PPARA: variants seen among roughly 807,000 people sequenced by gnomAD.
The protein encoded by PPARA is peroxisome proliferator activated receptor alpha, also known as peroxisome proliferator-activated receptor alpha.
In PPARA, 22 loss-of-function variants were observed where a neutral mutation model predicts 42.2. The ratio of observed to expected loss-of-function variants is 0.52; its 90% CI spans 0.37 to 0.74. PPARA has a LOEUF of 0.74. PPARA is among the 30% of genes least tolerant of loss of function. The pLI, the probability that PPARA is intolerant of heterozygous loss-of-function variation, is 0.00. For missense variants in PPARA, 465 were observed against 608.2 expected (o/e 0.76, Z 2.48); for synonymous variants, 242 against 239.3 (o/e 1.01, Z -0.10).
rs4253703 is a variant in PPARA, at chr22:46,190,523, C to T, written c.-42-7819C>T. Among the ~76,000 whole-genome samples, 267 of 152,222 alleles carry T rather than the reference C, an allele frequency of 1.8e-3. 1 individual carries two copies. The highest frequency in any genetic ancestry group is 6.1e-3 in the African/African-American group (255 of 41,532). ...TAATCCCAACACTTAGAGGCCAAGC[C>T]GCGTGGATCGCTTGAGCCCAGGAGT... On this transcript the variant is annotated intron_variant, in intron 3 of 8. Transcript: ENST00000407236. The surrounding 1 kb of genome is among the most constrained non-coding windows in gnomAD (Gnocchi z 5.6).
rs1246634807 is a variant in PPARA at position 46,238,292 on chromosome 22, G to A, written c.*2912G>A. ...TGCCACTCAATGCTGGAATATTTTGGGTCACCTAATCATAGATTTCTCAGG... is the reference window on the plus strand; with the variant it reads ...TGCCACTCAATGCTGGAATATTTTGAGTCACCTAATCATAGATTTCTCAGG... On this transcript the variant is annotated 3_prime_UTR_variant, in exon 9 of 9. Transcript: ENST00000407236. The surrounding 1 kb of genome is among the most constrained non-coding windows in gnomAD (Gnocchi z 8.3). 2 of 152,086 alleles carry A rather than the reference G, an allele frequency of 1.3e-5. No individual in the cohort carries two copies. The highest frequency in any genetic ancestry group is 4.8e-5 in the African/African-American group (2 of 41,404). The allele number at this position is 152,086 out of a possible 1,614,324, so 9.4% of individuals were successfully genotyped here.
rs1927330523 is a variant in PPARA at position 46,167,970 on chromosome 22, G to C, written c.-126-8783G>C. 6.6e-6 allele frequency among the ~76,000 whole-genome samples: 1 copy of C among 151,926 alleles called. No homozygotes were observed. Among genetic ancestry groups the C allele is most frequent in the Admixed American group, 6.6e-5 (1 of 15,252 alleles). ...CGAAGCTGAGGCAGGAGGATCACTT[G>C]AGCCCAGGAGTTGAAGCTTGCAGTG... On this transcript the variant is annotated intron_variant, in intron 2 of 8. Coordinates refer to ENST00000407236, the MANE Select transcript of PPARA (RefSeq NM_005036.6). This position sits in a 1 kb window ranked among gnomAD's most constrained non-coding sequence, Gnocchi z 4.1.
At position 46,243,161 on chromosome 22, in the gene PPARA, C is replaced by T. The variant is rs963996988; in HGVS notation, c.*7781C>T. The T allele has an allele frequency of 6.6e-6, 1 of 152,330 alleles. No homozygotes were observed. Among genetic ancestry groups the T allele is most frequent in the African/African-American group, 2.4e-5 (1 of 41,436 alleles). 9.4% of individuals were successfully genotyped at this position (152,330 alleles called of 1,614,324 possible). ...TGTTTCCAATAACTTGGCAAAACTTCTTGGTGCATATTGGTTACACCCTCT... is the reference window on the plus strand; with the variant it reads ...TGTTTCCAATAACTTGGCAAAACTTTTTGGTGCATATTGGTTACACCCTCT... On this transcript the variant is annotated 3_prime_UTR_variant, in exon 9 of 9. Transcript: ENST00000407236. The surrounding 1 kb of genome is among the most constrained non-coding windows in gnomAD (Gnocchi z 5.0).
chr22:46,217,485 A>C (rs1340011773), intron 5 of PPARA, among the ~76,000 whole-genome samples: 2 of 152,200 alleles, frequency 1.3e-5, no homozygotes, highest in African/African-American at 4.8e-5. Flanking sequence ...ATGCTTTTAC[A>C]AAGCAAGAAA....
At chr22:46,213,824 C>T (rs1422015131) in intron 4 of PPARA, among the ~76,000 whole-genome samples, 2 of 152,154 alleles carry the variant, frequency 1.3e-5, no homozygotes, top group African/African-American at 4.8e-5. Context: ...GTCCTGACCT[C>T]GTGATCCGCT....
Position 46,190,630 on chromosome 22 carries a change from G to T in PPARA, c.-42-7712G>T, listed in dbSNP as rs948271248. Reference sequence around the variant, plus strand: ...GCTGGGGGTGGTGGCAGCGCCTGTAGTCCAAACCACTTGGGAGCCTGAGGT... The same window carrying T: ...GCTGGGGGTGGTGGCAGCGCCTGTATTCCAAACCACTTGGGAGCCTGAGGT... On this transcript the variant is annotated intron_variant, in intron 3 of 8. Transcript: ENST00000407236. The surrounding 1 kb of genome is among the most constrained non-coding windows in gnomAD (Gnocchi z 5.6). Among the ~76,000 whole-genome samples the T allele has an allele frequency of 3.9e-5, 6 of 152,114 alleles. No homozygotes were observed. The highest frequency in any genetic ancestry group is 1.4e-4 in the African/African-American group (6 of 41,436).
chr22:46,214,620 A>C lies in PPARA; in HGVS notation c.209-553A>C, dbSNP rs1193844904. Among the ~76,000 whole-genome samples the C allele has an allele frequency of 2.1e-5, 3 of 143,234 alleles. No individual in the cohort carries two copies. In the East Asian group the frequency reaches 6.5e-4, roughly 31 times the overall value. The allele number at this position is 143,234 out of a possible 152,430, so 94.0% of individuals were successfully genotyped here. A position where few individuals can be genotyped will look rare whatever the true frequency, so the allele number is the denominator to read the frequency against. ...GTCTGGAGATGTGCAGAGCAGAGCAAAGATGAGCTGATCGGAGATGCCCAG... is the reference window on the plus strand; with the variant it reads ...GTCTGGAGATGTGCAGAGCAGAGCACAGATGAGCTGATCGGAGATGCCCAG... On this transcript the variant is annotated intron_variant, in intron 4 of 8. Coordinates refer to ENST00000407236, the MANE Select transcript of PPARA (RefSeq NM_005036.6).
chr22:46,168,269 G>A (rs1306822055), intron 2 of PPARA, among the ~76,000 whole-genome samples: 4 of 141,734 alleles, frequency 2.8e-5, no homozygotes, highest in Non-Finnish European at 4.5e-5. Flanking sequence ...GGAGAATGGC[G>A]TGAACCTGGG....
rs538439756 is a variant in PPARA at position 46,211,182 on chromosome 22, G to A, written c.209-3991G>A. ...GGAATCTATCGGTATTTCTGTCTGTGGCCATCTGTAGCTGTATGAAGCCAA... is the reference window on the plus strand; with the variant it reads ...GGAATCTATCGGTATTTCTGTCTGTAGCCATCTGTAGCTGTATGAAGCCAA... On this transcript the variant is annotated intron_variant, in intron 4 of 8. Transcript: ENST00000407236. This position sits in a 1 kb window ranked among gnomAD's most constrained non-coding sequence, Gnocchi z 4.1. 2.6e-5 allele frequency among the ~76,000 whole-genome samples: 4 copies of A among 152,232 alleles called. No individual in the cohort carries two copies. The highest frequency in any genetic ancestry group is 9.6e-5 in the African/African-American group (4 of 41,532).
intron 3 of PPARA, among the ~76,000 whole-genome samples, chr22:46,179,775 C>A (rs1481525233): frequency 6.6e-6 from 1 of 151,920 alleles, no homozygotes; most frequent in Non-Finnish European, 1.5e-5. Flanking sequence ...AATGAAAACA[C>A]AAGTTACACA....
chr22:46,168,209 G>C (rs1406178287), intron 2 of PPARA, among the ~76,000 whole-genome samples: 1 of 150,320 alleles, frequency 6.7e-6, no homozygotes, highest in African/African-American at 2.4e-5. Context: ...AAAATTAGCC[G>C]GACGTGGTGG....
In PPARA at chr22:46,192,633, T is replaced by A. The variant is rs774571344; in HGVS notation, c.-42-5709T>A. On this transcript the variant is annotated intron_variant, in intron 3 of 8. Transcript: ENST00000407236. The surrounding 1 kb of genome is among the most constrained non-coding windows in gnomAD (Gnocchi z 4.3). ...GCTTATGATATACAAGATGCAGCTC[T>A]AACATTTAAATTGGAAGGGAAATGT... Among the ~76,000 whole-genome samples, 3 of 152,236 alleles carry A rather than the reference T, an allele frequency of 2.0e-5. No homozygotes were observed. Among genetic ancestry groups the A allele is most frequent in the Non-Finnish European group, 4.4e-5 (3 of 68,040 alleles).
At chr22:46,153,163 C>CTTTTTTTTTTTTTTTTTT (rs996863467) in intron 2 of PPARA, among the ~76,000 whole-genome samples, 2 of 109,220 alleles carry the variant, frequency 1.8e-5, no homozygotes, top group African/African-American at 3.7e-5. Flanking sequence ...TTCCCACATC[C>CTTTTTTTTTTTTTTTTTT]TTTTTTTTTT....
At position 46,231,687 on chromosome 22, in the gene PPARA, C is replaced by T; in HGVS notation, c.712-105C>T. 3 of 1,217,944 alleles carry T rather than the reference C, an allele frequency of 2.5e-6. No homozygotes were observed. In the Admixed American group the frequency reaches 5.9e-5, roughly 24 times the overall value. The allele number at this position is 1,217,944 out of a possible 1,614,324, so 75.4% of individuals were successfully genotyped here. A position where few individuals can be genotyped will look rare whatever the true frequency, so the allele number is the denominator to read the frequency against. On this transcript the variant is annotated intron_variant, in intron 7 of 8. Coordinates refer to ENST00000407236, the MANE Select transcript of PPARA (RefSeq NM_005036.6). This position sits in a 1 kb window ranked among gnomAD's most constrained non-coding sequence, Gnocchi z 7.7. ...CGGGTATCTTGAGTCCTCTGAGGCA[C>T]TGAGCTTGGTGATTTGGACGCAGGA...
Position 46,190,178 on chromosome 22 carries a change from G to C in PPARA, c.-42-8164G>C, listed in dbSNP as rs1041600105. On this transcript the variant is annotated intron_variant, in intron 3 of 8. Coordinates refer to ENST00000407236, the MANE Select transcript of PPARA (RefSeq NM_005036.6). This position sits in a 1 kb window ranked among gnomAD's most constrained non-coding sequence, Gnocchi z 5.6. ...AATATAAAGACAAGGTGATAAATTA[G>C]AATTGGTGGGAAAGAGAAAAATCTG... Among the ~76,000 whole-genome samples, 7 of 152,206 alleles carry C rather than the reference G, an allele frequency of 4.6e-5. No homozygotes were observed. The highest frequency in any genetic ancestry group is 2.1e-4 in the South Asian group (1 of 4,834).
At chr22:46,170,514 G>A (rs1436418551) in intron 2 of PPARA, among the ~76,000 whole-genome samples, 1 of 148,386 alleles carries the variant, frequency 6.7e-6, no homozygotes, top group African/African-American at 2.5e-5. Context: ...CTCCCAAAGT[G>A]CTGGGATTAC....
intron 1 of PPARA, chr22:46,151,161 G>A (rs950257153): frequency 1.3e-5 from 2 of 152,266 alleles, no homozygotes; most frequent in African/African-American, 4.8e-5. Flanking sequence ...CCCGGGCCCC[G>A]GACAGACCGA....
rs1932937725 is a variant in PPARA at position 46,203,254 on chromosome 22, C to T, written c.208+4663C>T. Among the ~76,000 whole-genome samples the T allele has an allele frequency of 6.6e-6, 1 of 152,138 alleles. No individual in the cohort carries two copies. The highest frequency in any genetic ancestry group is 2.4e-5 in the African/African-American group (1 of 41,432). ...TAGATCGTTCATATTTGTACCTAAT[C>T]TGATCTTTTGGGTAATATTCCTAGT... On this transcript the variant is annotated intron_variant, in intron 4 of 8. Transcript: ENST00000407236. The surrounding 1 kb of genome is among the most constrained non-coding windows in gnomAD (Gnocchi z 5.8).
In PPARA at chr22:46,233,173, G is replaced by A. The variant is rs1936001249; in HGVS notation, c.1159+934G>A. 6.6e-6 allele frequency among the ~76,000 whole-genome samples: 1 copy of A among 152,004 alleles called. No individual in the cohort carries two copies. The highest frequency in any genetic ancestry group is 1.5e-5 in the Non-Finnish European group (1 of 68,024). On this transcript the variant is annotated intron_variant, in intron 8 of 8. Coordinates refer to ENST00000407236, the MANE Select transcript of PPARA (RefSeq NM_005036.6). The surrounding 1 kb of genome is among the most constrained non-coding windows in gnomAD (Gnocchi z 7.3). Reference sequence around the variant, plus strand: ...AGATGTCAGTATAGTTGCTGTCACAGTTGGTTATGTTGATGAAAAGTATAT... The same window carrying A: ...AGATGTCAGTATAGTTGCTGTCACAATTGGTTATGTTGATGAAAAGTATAT...
Sources: gnomAD v4.1 joint callset for allele counts (sites outside exome capture counted in the v4.1 genomes callset) on GRCh38, gnomAD v4.1.1 for gene constraint, Gnocchi (gnomAD v3.1) non-coding constraint, MANE v1.5 for transcripts, NCBI Gene and HGNC (gene_info 2026-07-23, HGNC 2026-07-21) for gene names.